Variants in OSBPL10 observed in about 807,000 individuals in gnomAD.
OSBPL10 encodes the protein oxysterol-binding protein-related protein 10.
OSBPL10 carries 49 observed loss-of-function variants against 81.7 expected under a neutral mutation model. The observed-to-expected ratio is 0.60, with a 90% confidence interval of 0.48 to 0.76. The LOEUF is 0.76. Ranked by LOEUF, OSBPL10 falls within the 30% of genes least tolerant of loss-of-function variation. The probability of loss-of-function intolerance (pLI) is 0.00; values close to 1 mark genes in which losing one functional copy is unlikely to be tolerated. For missense variants in OSBPL10, 923 were observed against 987.8 expected (o/e 0.93, Z 0.88); for synonymous variants, 419 against 383.6 (o/e 1.09, Z -1.08).
At chr3:31,983,833 A>G (rs564008995), upstream of OSBPL10, among the ~76,000 whole-genome samples, 2 of 152,320 alleles carry the variant, frequency 1.3e-5, no homozygotes, top group African/African-American at 4.8e-5. Flanking sequence ...AAAATACATA[A>G]TAAGTTGGCA....
At chr3:31,783,352 A>C (rs1698753626) in intron 4 of OSBPL10, among the ~76,000 whole-genome samples, 1 of 151,890 alleles carries the variant, frequency 6.6e-6, no homozygotes, top group African/African-American at 2.4e-5. Flanking sequence ...TTGGGAACTC[A>C]TAGGGAAGGG....
At chr3:31,751,302 A>G (rs748177303) in intron 4 of OSBPL10, among the ~76,000 whole-genome samples, 1 of 152,152 alleles carries the variant, frequency 6.6e-6, no homozygotes, top group Non-Finnish European at 1.5e-5. Flanking sequence ...ATCTGTGACC[A>G]CACCGCTACA....
At chr3:31,747,069 T>C (rs1219547594) in intron 5 of OSBPL10, among the ~76,000 whole-genome samples, 1 of 152,072 alleles carries the variant, frequency 6.6e-6, no homozygotes, top group African/African-American at 2.4e-5. Flanking sequence ...GCACAGTGGC[T>C]CACACCTGTA....
intron 3 of OSBPL10, among the ~76,000 whole-genome samples, chr3:31,857,896 A>AAG (rs1045823407): frequency 1.6e-5 from 2 of 127,756 alleles, no homozygotes; most frequent in Non-Finnish European, 1.7e-5. Flanking sequence ...GAGAGAGAGA[A>AAG]AGAGAGAGAG....
intron 4 of OSBPL10, among the ~76,000 whole-genome samples, chr3:31,809,216 T>C (rs1250757418): frequency 6.6e-6 from 1 of 152,100 alleles, no homozygotes; most frequent in African/African-American, 2.4e-5. Flanking sequence ...TCAGCAAAAC[T>C]ACAACAAACA....
rs1276146888 is a variant in OSBPL10, at chr3:31,663,762, A to T, written c.2250+317T>A. 4.1e-6 allele frequency: 5 copies of T among 1,204,854 alleles called. No individual in the cohort carries two copies. In the East Asian group the frequency reaches 1.4e-4, roughly 35 times the overall value. The allele number at this position is 1,204,854 out of a possible 1,614,324, so 74.6% of individuals were successfully genotyped here. A position where few individuals can be genotyped will look rare whatever the true frequency, so the allele number is the denominator to read the frequency against. On this transcript the variant is annotated intron_variant, in intron 11 of 11. Coordinates refer to ENST00000396556, the MANE Select transcript of OSBPL10 (RefSeq NM_017784.5). ...CAGGTGCCATGATGATTTTCTTTTT[A>T]AAAATAGAACAGTATCCAGTCTGCA...
At chr3:31,723,134 T>A (rs908029401) in intron 6 of OSBPL10, among the ~76,000 whole-genome samples, 1 of 152,232 alleles carries the variant, frequency 6.6e-6, no homozygotes, top group Admixed American at 6.5e-5. Context: ...ATGGGACCAC[T>A]ACAGCCAATA....
chr3:31,841,729 GC>G (rs560067142), intron 3 of OSBPL10, among the ~76,000 whole-genome samples: 1 of 152,252 alleles, frequency 6.6e-6, no homozygotes, highest in Admixed American at 6.5e-5. Context: ...TGCACACTCT[GC>G]CCCCACCAGC....
At chr3:31,694,795 C>CACT (rs1357066462) in intron 7 of OSBPL10, among the ~76,000 whole-genome samples, 2 of 152,176 alleles carry the variant, frequency 1.3e-5, no homozygotes, top group African/African-American at 4.8e-5. Context: ...ACTCTTGTTG[C>CACT]CCAGACTGGA....
intron 4 of OSBPL10, among the ~76,000 whole-genome samples, chr3:31,752,007 C>T (rs914234758): frequency 3.9e-5 from 6 of 152,116 alleles, no homozygotes; most frequent in African/African-American, 1.4e-4. Context: ...CTATGTCCAT[C>T]TCTCTCTCAT....
chr3:32,030,975 G>A (rs2125552155), intron 2 of OSBPL10, among the ~76,000 whole-genome samples: 1 of 152,200 alleles, frequency 6.6e-6, no homozygotes, highest in African/African-American at 2.4e-5. Flanking sequence ...AGACCAGCCT[G>A]CCTAACATGG....
At chr3:31,684,660 C>T (rs953863362) in intron 7 of OSBPL10, among the ~76,000 whole-genome samples, 1 of 152,172 alleles carries the variant, frequency 6.6e-6, no homozygotes, top group Non-Finnish European at 1.5e-5. Context: ...TGTACAAGCC[C>T]CACCATGACT....
At chr3:31,978,705 T>C (rs1002869524) in intron 1 of OSBPL10, among the ~76,000 whole-genome samples, 2 of 152,154 alleles carry the variant, frequency 1.3e-5, no homozygotes, top group Admixed American at 6.5e-5. Flanking sequence ...AGAACAAACA[T>C]AGGCAGACAG....
intron 2 of OSBPL10, among the ~76,000 whole-genome samples, chr3:32,007,056 C>T (rs1699212743): frequency 2.6e-5 from 4 of 152,146 alleles, no homozygotes; most frequent in South Asian, 2.1e-4. Flanking sequence ...ATGTGAGCCA[C>T]TGAGCCCAGC....
chr3:32,020,632 A>T (rs1323250765), intron 2 of OSBPL10, among the ~76,000 whole-genome samples: 1 of 152,204 alleles, frequency 6.6e-6, no homozygotes, highest in East Asian at 1.9e-4. Flanking sequence ...TAAAAGACAA[A>T]ATGTGCTGAG....
At chr3:31,673,935 C>T (rs1700389716) in intron 8 of OSBPL10, among the ~76,000 whole-genome samples, 1 of 151,952 alleles carries the variant, frequency 6.6e-6, no homozygotes, top group Non-Finnish European at 1.5e-5. Flanking sequence ...CATGCACCAC[C>T]ATACCCAACT....
chr3:31,720,045 CAT>C (rs10628664), intron 6 of OSBPL10, among the ~76,000 whole-genome samples: 3 of 147,866 alleles, frequency 2.0e-5, no homozygotes, highest in African/African-American at 7.4e-5. Flanking sequence ...AGTTAAAGAA[CAT>C]ATATATATAT....
intron 2 of OSBPL10, among the ~76,000 whole-genome samples, chr3:31,878,311 G>A (rs1302041731): frequency 4.6e-5 from 7 of 152,278 alleles, no homozygotes; most frequent in South Asian, 2.1e-4. Flanking sequence ...GTGCCATTAC[G>A]TTTTTCGTCT....
At chr3:31,672,088 G>A (rs1274694530) in intron 8 of OSBPL10, among the ~76,000 whole-genome samples, 1 of 151,748 alleles carries the variant, frequency 6.6e-6, no homozygotes. Flanking sequence ...GTTAGCGACC[G>A]GCACCTTCCT....
Sources: gnomAD v4.1 joint callset for allele counts (sites outside exome capture counted in the v4.1 genomes callset) on GRCh38, gnomAD v4.1.1 for gene constraint, MANE v1.5 for transcripts, NCBI Gene and HGNC (gene_info 2026-07-23, HGNC 2026-07-21) for gene names.